The following RPS6KC1 variants were observed in gnomAD, a reference collection of about 807,000 sequenced individuals.
RPS6KC1 encodes the protein inactive ribosomal protein S6 kinase delta-1.
Under a neutral mutation model 103.8 loss-of-function variants are expected in RPS6KC1, and 54 were observed. The observed-to-expected ratio is 0.52, with a 90% confidence interval of 0.42 to 0.65. The LOEUF is 0.65. Ranked by LOEUF, RPS6KC1 falls within the 30% of genes least tolerant of loss-of-function variation. The pLI is 0.00. For synonymous variants in RPS6KC1, 439 were observed against 438.7 expected, an observed-to-expected ratio of 1.00 and a Z score of -0.01; for missense variants, 1,151 against 1,253.8, an observed-to-expected ratio of 0.92 and a Z score of 1.24.
In RPS6KC1 at chr1:213,201,967, G is replaced by A. The variant is rs938762289; in HGVS notation, c.1044+25475G>A. Among the ~76,000 whole-genome samples the A allele has an allele frequency of 2.0e-5, 3 of 152,132 alleles. No individual in the cohort carries two copies. The East Asian group carries it at 5.8e-4, about 29-fold the overall frequency. On this transcript the variant is annotated intron_variant, in intron 8 of 14. Coordinates refer to ENST00000366960, the MANE Select transcript of RPS6KC1 (RefSeq NM_012424.6). The stretch of plus-strand genomic sequence containing the variant: ...TGTGTTTCTAGGTGGTTTTTAGTTT[G>A]CTTGGGGTCAAAGTCTTAGGATTAC...
chr1:213,328,378 C>G, the RPS6KC1 span, among the ~76,000 whole-genome samples: 8 of 151,768 alleles, frequency 5.3e-5, no homozygotes, highest in Non-Finnish European at 1.0e-4. Context: ...CCCAATTTAC[C>G]TTTCTAAGTT....
chr1:213,116,120 G>T (rs1308222758), intron 4 of RPS6KC1, among the ~76,000 whole-genome samples: 3 of 151,896 alleles, frequency 2.0e-5, no homozygotes, highest in African/African-American at 7.3e-5. Flanking sequence ...TTGACTTTCT[G>T]TCTCGTTGAT....
the RPS6KC1 span, among the ~76,000 whole-genome samples, chr1:213,694,526 T>C: frequency 6.6e-6 from 1 of 152,222 alleles, no homozygotes; most frequent in Non-Finnish European, 1.5e-5. Flanking sequence ...ATGTTAAATA[T>C]GACACCACAT....
chr1:213,361,851 C>G, the RPS6KC1 span, among the ~76,000 whole-genome samples: 1 of 152,126 alleles, frequency 6.6e-6, no homozygotes, highest in Non-Finnish European at 1.5e-5. Flanking sequence ...TTCTGTTACT[C>G]TTTTGAAACA....
At chr1:213,617,231 T>C in the RPS6KC1 span, among the ~76,000 whole-genome samples, 2 of 152,200 alleles carry the variant, frequency 1.3e-5, no homozygotes, top group Non-Finnish European at 2.9e-5. Flanking sequence ...ATTTCCCTTC[T>C]GTGCTGGCAG....
chr1:213,616,592 G>A, the RPS6KC1 span, among the ~76,000 whole-genome samples: 1 of 152,180 alleles, frequency 6.6e-6, no homozygotes, highest in Non-Finnish European at 1.5e-5. Flanking sequence ...TAGGAGGATC[G>A]CTTGAGCCCA....
chr1:213,566,705 C>G, the RPS6KC1 span, among the ~76,000 whole-genome samples: 2 of 151,566 alleles, frequency 1.3e-5, no homozygotes, highest in South Asian at 4.2e-4. Context: ...CTATGTCTAG[C>G]CTGCTATAAC....
the RPS6KC1 span, among the ~76,000 whole-genome samples, chr1:213,491,307 G>A: frequency 1.3e-5 from 2 of 152,174 alleles, no homozygotes; most frequent in Admixed American, 6.5e-5. Flanking sequence ...CAGCATTTTG[G>A]GAGGTTGAGG....
At chr1:213,757,293 T>G in the RPS6KC1 span, among the ~76,000 whole-genome samples, 3 of 152,096 alleles carry the variant, frequency 2.0e-5, no homozygotes, top group African/African-American at 7.2e-5. Flanking sequence ...AGCCAAGTTG[T>G]GAATACAAAA....
At chr1:213,557,676 T>C in the RPS6KC1 span, among the ~76,000 whole-genome samples, 2 of 152,312 alleles carry the variant, frequency 1.3e-5, no homozygotes, top group South Asian at 4.1e-4. Flanking sequence ...CTGGAGTATG[T>C]GGTCTCCATT....
At chr1:213,213,238 T>G (rs898503182) in intron 8 of RPS6KC1, among the ~76,000 whole-genome samples, 1 of 152,246 alleles carries the variant, frequency 6.6e-6, no homozygotes, top group Non-Finnish European at 1.5e-5. Context: ...ATTTTGTTAA[T>G]TTTTGTTAAG....
the RPS6KC1 span, among the ~76,000 whole-genome samples, chr1:213,317,224 C>T: frequency 6.6e-6 from 1 of 152,194 alleles, no homozygotes; most frequent in Admixed American, 6.5e-5. Context: ...TGATTCATTG[C>T]TTGCCTTTTT....
chr1:213,388,468 G>A, the RPS6KC1 span, among the ~76,000 whole-genome samples: 2 of 152,198 alleles, frequency 1.3e-5, no homozygotes, highest in Non-Finnish European at 2.9e-5. Context: ...GCAGGAAAGA[G>A]CCTCCCACAT....
chr1:213,168,399 C>T (rs2091183080), intron 7 of RPS6KC1, among the ~76,000 whole-genome samples: 1 of 152,142 alleles, frequency 6.6e-6, no homozygotes, highest in Non-Finnish European at 1.5e-5. Context: ...AAGCATAATT[C>T]TAGCAGAGAT....
chr1:213,203,108 G>A (rs987980451), intron 8 of RPS6KC1, among the ~76,000 whole-genome samples: 1 of 152,102 alleles, frequency 6.6e-6, no homozygotes, highest in African/African-American at 2.4e-5. Context: ...CCTACTAGTA[G>A]TACAGATTGA....
chr1:213,281,066 C>T, the RPS6KC1 span, among the ~76,000 whole-genome samples: 1 of 152,046 alleles, frequency 6.6e-6, no homozygotes, highest in African/African-American at 2.4e-5. Context: ...CAGAGGCACA[C>T]TCAAGTGTTT....
At chr1:213,140,180 G>T (rs1025513610) in intron 6 of RPS6KC1, among the ~76,000 whole-genome samples, 2 of 152,046 alleles carry the variant, frequency 1.3e-5, no homozygotes, top group African/African-American at 4.8e-5. Context: ...ACTAATTTTT[G>T]TGCATTGATT....
the RPS6KC1 span, among the ~76,000 whole-genome samples, chr1:213,290,404 G>A: frequency 6.6e-6 from 1 of 152,250 alleles, no homozygotes; most frequent in South Asian, 2.1e-4. Flanking sequence ...TGAGGTGAGG[G>A]CCAGCAGTGA....
the RPS6KC1 span, among the ~76,000 whole-genome samples, chr1:213,468,619 C>T: frequency 7.9e-5 from 12 of 152,324 alleles, no homozygotes; most frequent in South Asian, 1.7e-3. Context: ...CCATGAAGAA[C>T]ATCTGTCTGA....
Sources: gnomAD v4.1 joint callset for allele counts (sites outside exome capture counted in the v4.1 genomes callset) on GRCh38, gnomAD v4.1.1 for gene constraint, MANE v1.5 for transcripts, NCBI Gene and HGNC (gene_info 2026-07-23, HGNC 2026-07-21) for gene names.